Variants in ATP11A observed in about 807,000 individuals in gnomAD.
The protein encoded by ATP11A is ATPase phospholipid transporting 11A.
In ATP11A, 81 loss-of-function variants were observed where a neutral mutation model predicts 154.4. The observed-to-expected ratio is 0.52, with a 90% CI of 0.44 to 0.63. The LOEUF is 0.63. Among genes scored for constraint, ATP11A ranks in the 30% least tolerant of loss-of-function variants. The pLI is 0.00. For missense variants in ATP11A, 1,316 were observed against 1,474.3 expected (o/e 0.89, Z 1.76); for synonymous variants, 623 against 585.9 (o/e 1.06, Z -0.91).
At position 112,858,258 on chromosome 13, in the gene ATP11A, A is replaced by T; in HGVS notation, c.2635A>T (p.Ile879Phe). The T allele has an allele frequency of 6.2e-7, 1 of 1,613,820 alleles. No homozygotes were observed. The highest frequency in any genetic ancestry group is 1.3e-5 in the African/African-American group (1 of 75,002). Reference protein sequence around the residue: ...LVHGHFYYIRISELVQYFFYK... With the variant: ...LVHGHFYYIRFSELVQYFFYK... ...TCACGGGCATTTTTATTACATTAGG[A>T]TCTCTGAGCTCGTGCAGTACTTCTT... Residue 879 changes from isoleucine to phenylalanine, a missense_variant, in exon 22 of 30, where the codon ATC becomes TTC. This residue lies in a region of ATP11A where 19 missense variants were observed against 46.6 expected (regional missense o/e 0.41). Transcript: ENST00000375645.
intron 4 of ATP11A, among the ~76,000 whole-genome samples, chr13:112,808,336 TG>T (rs2078383045): frequency 1.3e-5 from 2 of 152,010 alleles, no homozygotes; most frequent in African/African-American, 4.8e-5. Flanking sequence ...GCTGCAGTTC[TG>T]GGCCCCATCA....
Position 112,690,395 on chromosome 13 carries a change from A to G in ATP11A, c.-22A>G. On this transcript the variant is annotated 5_prime_UTR_variant, in exon 1 of 30. Coordinates refer to ENST00000375645, the MANE Select transcript of ATP11A (RefSeq NM_015205.3). The surrounding 1 kb of genome is among the most constrained non-coding windows in gnomAD (Gnocchi z 5.6). The stretch of plus-strand genomic sequence containing the variant: ...CGGGCGCGGGGGCGCTGAACGGCGG[A>G]GCGGGAGCGGCCGGAGGAGCCATGG... 1 of 1,289,276 alleles carries G rather than the reference A, an allele frequency of 7.8e-7. No homozygotes were observed. The highest frequency in any genetic ancestry group is 9.8e-7 in the Non-Finnish European group (1 of 1,018,418). 79.9% of individuals were successfully genotyped at this position (1,289,276 alleles called of 1,614,324 possible). A position where few individuals can be genotyped will look rare whatever the true frequency, so the allele number is the denominator to read the frequency against.
At chr13:112,765,308 G>A (rs535093473) in intron 1 of ATP11A, among the ~76,000 whole-genome samples, 4 of 152,234 alleles carry the variant, frequency 2.6e-5, no homozygotes, top group Middle Eastern at 3.4e-3. Flanking sequence ...GCCCATCCTT[G>A]GGGAGGCCTC....
chr13:112,811,604 T>A (rs1403966210), intron 5 of ATP11A: 3 of 152,024 alleles, frequency 2.0e-5, no homozygotes, highest in Non-Finnish European at 2.9e-5. Flanking sequence ...TTAAAAAAAA[T>A]GTATTTATTT....
At chr13:112,764,452 G>T (rs1189710895) in intron 1 of ATP11A, among the ~76,000 whole-genome samples, 1 of 152,224 alleles carries the variant, frequency 6.6e-6, no homozygotes, top group Non-Finnish European at 1.5e-5. Flanking sequence ...TCCTGGGTCT[G>T]TCAGGGTTAG....
Position 112,883,404 on chromosome 13 carries a change from C to G in ATP11A, c.*1538C>G, listed in dbSNP as rs191205858. 8.0e-4 allele frequency: 311 copies of G among 390,370 alleles called. No homozygotes were observed. Among genetic ancestry groups the G allele is most frequent in the African/African-American group, 6.0e-3 (290 of 48,572 alleles). 24.2% of individuals were successfully genotyped at this position (390,370 alleles called of 1,614,324 possible). A position where few individuals can be genotyped will look rare whatever the true frequency, so the allele number is the denominator to read the frequency against. ...ACTGCTGCCTTTCAGGAAAGCACCA[C>G]CAACGCTGGAGGAGGAGCCGGCCCT... is the stretch of plus-strand genomic sequence containing the variant. On this transcript the variant is annotated 3_prime_UTR_variant, in exon 30 of 30. Coordinates refer to ENST00000375645, the MANE Select transcript of ATP11A (RefSeq NM_015205.3).
In ATP11A at chr13:112,884,358, G is replaced by C. The variant is rs1165841948; in HGVS notation, c.*2492G>C. 1 of 152,620 alleles carries C rather than the reference G, an allele frequency of 6.6e-6. No homozygotes were observed. Among genetic ancestry groups the C allele is most frequent in the Non-Finnish European group, 1.5e-5 (1 of 68,042 alleles). The allele number at this position is 152,620 out of a possible 1,614,324, so 9.5% of individuals were successfully genotyped here. On this transcript the variant is annotated 3_prime_UTR_variant, in exon 30 of 30. Transcript: ENST00000375645. The stretch of plus-strand genomic sequence containing the variant: ...GTTTAGTAAGTTGGGTCCCAGCTCT[G>C]CCTGTGTGGAGATAGTCACCATGTA...
chr13:112,840,357 C>T (rs111173911), intron 16 of ATP11A, among the ~76,000 whole-genome samples: 1 of 134,688 alleles, frequency 7.4e-6, no homozygotes, highest in East Asian at 2.3e-4. Flanking sequence ...CCCACTCTCC[C>T]GTGCCTTCCA....
chr13:112,870,547 G>C (rs1454313853), intron 25 of ATP11A, among the ~76,000 whole-genome samples: 4 of 152,044 alleles, frequency 2.6e-5, no homozygotes, highest in Non-Finnish European at 5.9e-5. Context: ...CCCGGCTAAT[G>C]TTTGTATTCT....
chr13:112,778,611 A>C (rs1594655196), intron 1 of ATP11A, among the ~76,000 whole-genome samples: 1 of 149,340 alleles, frequency 6.7e-6, no homozygotes, highest in South Asian at 2.1e-4. Context: ...CGCTGGTTTG[A>C]GGAGTAGCCA....
intron 1 of ATP11A, among the ~76,000 whole-genome samples, chr13:112,765,999 G>A (rs1424463045): frequency 6.6e-6 from 1 of 152,248 alleles, no homozygotes; most frequent in African/African-American, 2.4e-5. Flanking sequence ...GTTCACGAGT[G>A]TGGATTCTTG....
rs7985702 is a variant in ATP11A at position 112,882,953 on chromosome 13, T to C, written c.*1087T>C. On this transcript the variant is annotated 3_prime_UTR_variant, in exon 30 of 30. Coordinates refer to ENST00000375645, the MANE Select transcript of ATP11A (RefSeq NM_015205.3). The surrounding 1 kb of genome is among the most constrained non-coding windows in gnomAD (Gnocchi z 5.1). The stretch of plus-strand genomic sequence containing the variant: ...ATCCCAACAGGCAGCACCGCACCTC[T>C]GCCCGCCTCCCGCACTGCAGCTCCG... 0.97 allele frequency: 386,899 copies of C among 399,030 alleles called. 187,690 individuals carry two copies. Among genetic ancestry groups the C allele is most frequent in the East Asian group, 1 (28,032 of 28,036 alleles). The allele number at this position is 399,030 out of a possible 1,614,324, so 24.7% of individuals were successfully genotyped here. A position where few individuals can be genotyped will look rare whatever the true frequency, so the allele number is the denominator to read the frequency against.
rs1254509988 is a variant in ATP11A, at chr13:112,697,156, C to T, written c.39+6701C>T. The stretch of plus-strand genomic sequence containing the variant: ...CCCTGGGGCCTTCCGTGGGCTGCTT[C>T]CTGTGGCGTCCTGCGGGCTGGCCGC... On this transcript the variant is annotated intron_variant, in intron 1 of 29. Coordinates refer to ENST00000375645, the MANE Select transcript of ATP11A (RefSeq NM_015205.3). This position sits in a 1 kb window ranked among gnomAD's most constrained non-coding sequence, Gnocchi z 4.0. 1.3e-5 allele frequency among the ~76,000 whole-genome samples: 2 copies of T among 152,168 alleles called. No individual in the cohort carries two copies. Among genetic ancestry groups the T allele is most frequent in the Admixed American group, 1.3e-4 (2 of 15,288 alleles).
At chr13:112,827,018 G>A (rs1257015773) in intron 12 of ATP11A, 127 bp downstream of exon 12, 7 of 935,112 alleles carry the variant, frequency 7.5e-6, no homozygotes, top group Admixed American at 2.1e-5. Context: ...ACAGCAGCAG[G>A]GTTGTTTTGA....
intron 13 of ATP11A, 91 bp downstream of exon 13, chr13:112,831,639 A>G (rs2140248249): frequency 6.8e-7 from 1 of 1,465,924 alleles, no homozygotes; most frequent in Non-Finnish European, 9.3e-7. Context: ...GTGTCCAGGA[A>G]AATCCAGGCC....
At chr13:112,768,237 C>T (rs906312443) in intron 1 of ATP11A, among the ~76,000 whole-genome samples, 4 of 152,248 alleles carry the variant, frequency 2.6e-5, no homozygotes, top group Admixed American at 6.5e-5. Flanking sequence ...AGAGGCAGCC[C>T]CAGGCGCCCG....
At chr13:112,824,973 T>C (rs2078894949) in intron 10 of ATP11A, among the ~76,000 whole-genome samples, 1 of 152,228 alleles carries the variant, frequency 6.6e-6, no homozygotes, top group Non-Finnish European at 1.5e-5. Flanking sequence ...GGACACTTCC[T>C]TTCAGAGTTA....
intron 1 of ATP11A, among the ~76,000 whole-genome samples, chr13:112,731,514 A>T (rs149501679): frequency 6.0e-4 from 92 of 152,208 alleles, no homozygotes; most frequent in African/African-American, 2.2e-3. Context: ...CACGGCACTC[A>T]CTAGTTTTCT....
Position 112,885,502 on chromosome 13 carries a change from C to T in ATP11A, c.*3636C>T, listed in dbSNP as rs1189547307. The T allele has an allele frequency of 6.6e-6, 1 of 152,270 alleles. No homozygotes were observed. The highest frequency in any genetic ancestry group is 1.5e-5 in the Non-Finnish European group (1 of 68,076). The allele number at this position is 152,270 out of a possible 1,614,324, so 9.4% of individuals were successfully genotyped here. On this transcript the variant is annotated 3_prime_UTR_variant, in exon 30 of 30. Coordinates refer to ENST00000375645, the MANE Select transcript of ATP11A (RefSeq NM_015205.3). The stretch of plus-strand genomic sequence containing the variant: ...ACGTACACACAGATGCACATGGACA[C>T]ACCCCAAACACGCACAGGCTCCTAC...
Sources: gnomAD v4.1 joint callset for allele counts (sites outside exome capture counted in the v4.1 genomes callset) on GRCh38, gnomAD v4.1.1 for gene constraint, gnomAD v4.1.1 regional missense constraint, Gnocchi (gnomAD v3.1) non-coding constraint, MANE v1.5 for transcripts, NCBI Gene and HGNC (gene_info 2026-07-23, HGNC 2026-07-21) for gene names.